TMEM71: variants seen among roughly 807,000 people sequenced by gnomAD.
The protein encoded by TMEM71 is transmembrane protein 71.
TMEM71 carries 44 observed loss-of-function variants against 38.0 expected under a neutral mutation model. That is an observed-to-expected ratio of 1.16 (90% CI 0.91 to 1.49). TMEM71 has a LOEUF of 1.49. Among genes scored for constraint, TMEM71 ranks in the 40% most tolerant of loss-of-function variants. TMEM71 has a pLI of 0.00. For synonymous variants in TMEM71, 133 were observed against 122.5 expected (o/e 1.09, Z -0.56); for missense variants, 367 against 348.6 (o/e 1.05, Z -0.42).
chr8:132,721,995 C>G (rs1826877915), intron 7 of TMEM71, 45 bp downstream of exon 7: 1 of 1,488,822 alleles, frequency 6.7e-7, no homozygotes, highest in Non-Finnish European at 9.4e-7. Context: ...GCTATAGTTT[C>G]ACTAATTATG....
chr8:132,774,560 G>A, the TMEM71 span, among the ~76,000 whole-genome samples: 1 of 152,208 alleles, frequency 6.6e-6, no homozygotes. Flanking sequence ...ATAAATATAA[G>A]TGACATTTGT....
At chr8:132,751,378 C>T (rs988881621) in intron 4 of TMEM71, among the ~76,000 whole-genome samples, 2 of 152,216 alleles carry the variant, frequency 1.3e-5, no homozygotes, top group African/African-American at 4.8e-5. Context: ...AATCAGCCAT[C>T]ACCACCACTA....
intron 6 of TMEM71, among the ~76,000 whole-genome samples, chr8:132,727,002 A>ATG (rs1827181588): frequency 6.6e-6 from 1 of 151,824 alleles, no homozygotes; most frequent in Non-Finnish European, 1.5e-5. Flanking sequence ...GATTACAGGC[A>ATG]TGTGCCACCA....
At chr8:132,744,911 C>CA (rs1828251909) in intron 5 of TMEM71, among the ~76,000 whole-genome samples, 2 of 151,998 alleles carry the variant, frequency 1.3e-5, no homozygotes, top group Non-Finnish European at 2.9e-5. Flanking sequence ...ACAAAGTTGA[C>CA]AAAAAATAGC....
At chr8:132,756,587 T>A (rs889228962) in intron 3 of TMEM71, among the ~76,000 whole-genome samples, 29 of 149,760 alleles carry the variant, frequency 1.9e-4, no homozygotes, top group Middle Eastern at 7.0e-3. Flanking sequence ...ATAATAATAA[T>A]ATAATAATAA....
upstream of TMEM71, among the ~76,000 whole-genome samples, chr8:132,763,914 A>G (rs1305093247): frequency 1.3e-5 from 2 of 152,198 alleles, no homozygotes; most frequent in Non-Finnish European, 2.9e-5. Flanking sequence ...GACTTGACAA[A>G]TTTAATTTTA....
At chr8:132,762,781 G>C (rs905041441), upstream of TMEM71, among the ~76,000 whole-genome samples, 1 of 152,126 alleles carries the variant, frequency 6.6e-6, no homozygotes, top group African/African-American at 2.4e-5. Flanking sequence ...TAACCTATAA[G>C]TGTAATGATC....
chr8:132,718,490 C>A (rs960322098), intron 7 of TMEM71, among the ~76,000 whole-genome samples: 1 of 151,434 alleles, frequency 6.6e-6, no homozygotes, highest in Non-Finnish European at 1.5e-5. Context: ...ATCCACCTCC[C>A]GGGTTCACAC....
At chr8:132,757,825 C>CAAAA (rs56859505) in intron 2 of TMEM71, among the ~76,000 whole-genome samples, 2 of 107,168 alleles carry the variant, frequency 1.9e-5, no homozygotes, top group East Asian at 2.5e-4. Context: ...GATTCTGTCT[C>CAAAA]AAAAAAAAAA....
chr8:132,742,887 G>T (rs912143951), intron 5 of TMEM71, among the ~76,000 whole-genome samples: 11 of 152,202 alleles, frequency 7.2e-5, no homozygotes, highest in African/African-American at 2.7e-4. Context: ...GGCTAGGAAA[G>T]CCTCACAGTC....
chr8:132,756,963 C>T (rs1189266539), intron 3 of TMEM71, among the ~76,000 whole-genome samples: 2 of 151,776 alleles, frequency 1.3e-5, no homozygotes, highest in South Asian at 2.1e-4. Flanking sequence ...CTCGGCTCAC[C>T]GCAAGCTCCG....
At chr8:132,768,210 C>T in the TMEM71 span, among the ~76,000 whole-genome samples, 2 of 152,148 alleles carry the variant, frequency 1.3e-5, no homozygotes, top group African/African-American at 4.8e-5. Flanking sequence ...CTTTGTCCTG[C>T]TTTTTAGAAT....
chr8:132,775,386 T>G, the TMEM71 span: 2 of 374,590 alleles, frequency 5.3e-6, no homozygotes, highest in Non-Finnish European at 9.4e-6. Context: ...CGGCGTCGCG[T>G]CAGGGCTGGC....
At chr8:132,732,902 C>T (rs1488486733) in intron 5 of TMEM71, among the ~76,000 whole-genome samples, 1 of 152,106 alleles carries the variant, frequency 6.6e-6, no homozygotes, top group African/African-American at 2.4e-5. Flanking sequence ...ACATTACCTG[C>T]CCACGATACT....
chr8:132,763,185 T>C (rs934799033), upstream of TMEM71, among the ~76,000 whole-genome samples: 3 of 152,230 alleles, frequency 2.0e-5, no homozygotes, highest in Admixed American at 1.3e-4. Context: ...CCCTAGTCTC[T>C]TCCTGCTTTA....
At chr8:132,744,000 C>T (rs186185056) in intron 5 of TMEM71, among the ~76,000 whole-genome samples, 48 of 152,198 alleles carry the variant, frequency 3.2e-4, no homozygotes, top group African/African-American at 9.9e-4. Context: ...CCAAATGAGT[C>T]GAATTCCCCA....
intron 5 of TMEM71, among the ~76,000 whole-genome samples, chr8:132,741,023 G>C (rs1354866585): frequency 1.3e-5 from 2 of 152,134 alleles, no homozygotes; most frequent in Non-Finnish European, 2.9e-5. Context: ...GGGAAGCTGG[G>C]AATATCATCC....
At chr8:132,715,396 C>A (rs1205298407) in intron 7 of TMEM71, among the ~76,000 whole-genome samples, 1 of 78,960 alleles carries the variant, frequency 1.3e-5, no homozygotes, top group East Asian at 3.3e-4. Context: ...GGCGACAGAG[C>A]AAGACTCCGT....
chr8:132,722,368 C>A (rs78740116), intron 6 of TMEM71, among the ~76,000 whole-genome samples: 1 of 152,152 alleles, frequency 6.6e-6, no homozygotes, highest in African/African-American at 2.4e-5. Flanking sequence ...GCTATTTTCA[C>A]AGTTTAGGGC....
Sources: allele counts gnomAD v4.1 joint callset (sites outside exome capture counted in the v4.1 genomes callset), GRCh38; gene constraint gnomAD v4.1.1; transcripts MANE v1.5; gene names NCBI Gene and HGNC (gene_info 2026-07-23, HGNC 2026-07-21).